The following NDUFAF7 variants were observed in gnomAD, a reference collection of about 807,000 sequenced individuals.
The protein encoded by NDUFAF7 is protein arginine methyltransferase NDUFAF7, mitochondrial.
NDUFAF7 carries 48 observed loss-of-function variants against 47.2 expected under a neutral mutation model. That is an observed-to-expected ratio of 1.02 (90% confidence interval 0.81 to 1.29). The LOEUF (loss-of-function observed/expected upper bound fraction) is 1.29. Ranked by LOEUF, NDUFAF7 falls within the 50% of genes most tolerant of loss-of-function variation. The pLI, the probability that NDUFAF7 is intolerant of heterozygous loss-of-function variation, is 0.00. For missense variants in NDUFAF7, 635 were observed against 537.6 expected (o/e 1.18, Z -1.79); for synonymous variants, 217 against 190.0 (o/e 1.14, Z -1.17).
chr2:37,246,706 ACATTTAACTAAATGCTCTTAGT>A (rs1666947669), intron 8 of NDUFAF7, among the ~76,000 whole-genome samples: 1 of 152,124 alleles, frequency 6.6e-6, no homozygotes, highest in African/African-American at 2.4e-5. Flanking sequence ...TAATTGAAAA[ACATTTAACTAAATGCTCTTAGT>A]CATTTTCTAG....
downstream of NDUFAF7, among the ~76,000 whole-genome samples, chr2:37,255,974 C>T (rs1405743726): frequency 6.6e-6 from 1 of 152,108 alleles, no homozygotes; most frequent in Non-Finnish European, 1.5e-5. Flanking sequence ...TGTTTGTGCA[C>T]ACTTCAGCCT....
At chr2:37,240,049 G>C (rs1382813331) in intron 4 of NDUFAF7, among the ~76,000 whole-genome samples, 2 of 152,166 alleles carry the variant, frequency 1.3e-5, no homozygotes, top group African/African-American at 4.8e-5. Flanking sequence ...ATAAGTAATA[G>C]TATTTATTAA....
chr2:37,236,619 A>G (rs1394272201), intron 3 of NDUFAF7, among the ~76,000 whole-genome samples: 1 of 151,980 alleles, frequency 6.6e-6, no homozygotes, highest in African/African-American at 2.4e-5. Flanking sequence ...TACTAAAAAA[A>G]AAATACAAAA....
downstream of NDUFAF7, chr2:37,250,401 T>C (rs1200413778): frequency 6.6e-6 from 1 of 152,198 alleles, no homozygotes; most frequent in East Asian, 1.9e-4. Context: ...GTTTTTAACT[T>C]TTTAAAGCCT....
At chr2:37,260,495 T>TAAACAAAGC in the NDUFAF7 span, 1 of 973,456 alleles carries the variant, frequency 1.0e-6, no homozygotes, top group African/African-American at 1.7e-5. Flanking sequence ...CCTAGAGAAG[T>TAAACAAAGC]AAACAAAGCA....
downstream of NDUFAF7, chr2:37,251,311 T>TA (rs1257750444): frequency 6.6e-6 from 1 of 152,536 alleles, no homozygotes; most frequent in Non-Finnish European, 1.5e-5. Context: ...TAGTACAGCA[T>TA]AATGGTTGGG....
chr2:37,247,998 A>AT, intron 9 of NDUFAF7, 137 bp from the exon 10 acceptor site: 1 of 766,018 alleles, frequency 1.3e-6, no homozygotes, highest in East Asian at 2.7e-5. Flanking sequence ...TAAGTACTCT[A>AT]TGATTCTCAG....
At chr2:37,235,552 ACG>A (rs970848702) in intron 2 of NDUFAF7, among the ~76,000 whole-genome samples, 5 of 152,152 alleles carry the variant, frequency 3.3e-5, no homozygotes. Flanking sequence ...TTCTGCCTTT[ACG>A]GTCAAGGTGT....
At chr2:37,238,594 TAAAAA>T (rs879565237) in intron 4 of NDUFAF7, among the ~76,000 whole-genome samples, 4 of 144,284 alleles carry the variant, frequency 2.8e-5, no homozygotes, top group Admixed American at 1.4e-4. Flanking sequence ...CTTTTTATAT[TAAAAA>T]AAAAAAAAGC....
At chr2:37,258,383 A>T (rs1005920942), downstream of NDUFAF7, among the ~76,000 whole-genome samples, 1 of 152,202 alleles carries the variant, frequency 6.6e-6, no homozygotes, top group Non-Finnish European at 1.5e-5. Flanking sequence ...TAAATGCCAG[A>T]TTTCAGCTAA....
chr2:37,242,732 A>G (rs1666483531), intron 6 of NDUFAF7, 39 bp downstream of exon 6: 3 of 1,450,970 alleles, frequency 2.1e-6, no homozygotes, highest in Non-Finnish European at 2.9e-6. Flanking sequence ...ATAATTGAAT[A>G]CAAAAGGCAT....
chr2:37,251,455 A>G (rs1667484910), downstream of NDUFAF7: 1 of 152,546 alleles, frequency 6.6e-6, no homozygotes, highest in Admixed American at 6.5e-5. Flanking sequence ...ACTTAACACT[A>G]TGGCTGCTGT....
downstream of NDUFAF7, among the ~76,000 whole-genome samples, chr2:37,257,865 T>C (rs530973106): frequency 2.6e-4 from 39 of 152,244 alleles, no homozygotes; most frequent in Non-Finnish European, 5.0e-4. Flanking sequence ...GCAACACTTT[T>C]CTATCACTGT....
At chr2:37,256,643 T>A (rs763884516), downstream of NDUFAF7, 76 of 1,395,328 alleles carry the variant, frequency 5.4e-5, no homozygotes, top group Middle Eastern at 2.6e-4. Context: ...TTTTTTTTTT[T>A]TTTTTTTTTT....
At chr2:37,236,277 T>A in intron 3 of NDUFAF7, 101 bp downstream of exon 3, 1 of 1,059,226 alleles carries the variant, frequency 9.4e-7, no homozygotes, top group Non-Finnish European at 1.5e-6. Flanking sequence ...TTTTTGTGAT[T>A]CATCAAAAGT....
rs1168617824 is a variant in NDUFAF7 at position 37,248,530 on chromosome 2, T to G, written c.*180T>G. The G allele has an allele frequency of 1.2e-5, 8 of 651,002 alleles. No homozygotes were observed. The East Asian group carries it at 2.2e-4, about 18-fold the overall frequency. 40.3% of individuals were successfully genotyped at this position (651,002 alleles called of 1,614,324 possible). On this transcript the variant is annotated 3_prime_UTR_variant, in exon 10 of 10. Coordinates refer to ENST00000002125, the MANE Select transcript of NDUFAF7 (RefSeq NM_144736.5). ...CTTTTAGGGTTGTGACTGGCTTTGG[T>G]GCAAATGTGTGCTCAAGCTAATAAG...
chr2:37,253,349 T>G, downstream of NDUFAF7: 3 of 1,596,620 alleles, frequency 1.9e-6, no homozygotes, highest in Non-Finnish European at 1.7e-6. Flanking sequence ...AGTCTGATAG[T>G]CCTAGGAGAA....
Position 37,232,233 on chromosome 2 carries a change from G to GT in NDUFAF7, c.184dup (p.Tyr62LeufsTer8), listed in dbSNP as rs1470977699. 1.1e-5 allele frequency: 18 copies of GT among 1,613,450 alleles called. No homozygotes were observed. Among genetic ancestry groups the GT allele is most frequent in the Non-Finnish European group, 1.4e-5 (16 of 1,180,056 alleles). On this transcript the variant is annotated frameshift_variant, in exon 2 of 10. Transcript: ENST00000002125. LOFTEE classifies it high-confidence loss of function. ...CTACTGGTCCCATCACTGTGGCCGA[G>GT]TACATGAAGGAGGTGTTGACTAATC...
At chr2:37,254,900 G>A (rs866693191), downstream of NDUFAF7, among the ~76,000 whole-genome samples, 18 of 152,214 alleles carry the variant, frequency 1.2e-4, 1 homozygote, top group South Asian at 3.1e-3. Flanking sequence ...TGAGTTCTTG[G>A]TATATATATT....
Sources: gnomAD v4.1 joint callset for allele counts (sites outside exome capture counted in the v4.1 genomes callset) on GRCh38, gnomAD v4.1.1 for gene constraint, MANE v1.5 for transcripts, NCBI Gene and HGNC (gene_info 2026-07-23, HGNC 2026-07-21) for gene names.